ZMPSTE24: variants seen among roughly 807,000 people sequenced by gnomAD.
ZMPSTE24 encodes the protein zinc metallopeptidase STE24.
A neutral mutation model predicts 56.7 loss-of-function variants in ZMPSTE24; 48 were observed. The ratio of observed to expected loss-of-function variants is 0.85; its 90% confidence interval spans 0.67 to 1.08. The LOEUF (loss-of-function observed/expected upper bound fraction) is 1.08. ZMPSTE24 is among the 50% of genes least tolerant of loss of function. The pLI is 0.00. For missense variants in ZMPSTE24, 503 were observed against 548.7 expected (o/e 0.92, Z 0.83); for synonymous variants, 172 against 195.2 (o/e 0.88, Z 0.99).
rs149571720 is a variant in ZMPSTE24, at chr1:40,282,355, A to G, written c.954+828A>G. 2.6e-5 allele frequency among the ~76,000 whole-genome samples: 4 copies of G among 152,334 alleles called. No individual in the cohort carries two copies. In the East Asian group the frequency reaches 7.7e-4, roughly 29 times the overall value. On this transcript the variant is annotated intron_variant, in intron 7 of 9. Coordinates refer to ENST00000372759, the MANE Select transcript of ZMPSTE24 (RefSeq NM_005857.5). The stretch of plus-strand genomic sequence containing the variant: ...ACTAAATGGGGGAGAGGGGACAATG[A>G]TAAGAAACAATACAAACTGTCAGAA...
At chr1:40,258,989 C>G (rs1281580525) in intron 1 of ZMPSTE24, among the ~76,000 whole-genome samples, 1 of 152,072 alleles carries the variant, frequency 6.6e-6, no homozygotes, top group East Asian at 1.9e-4. Context: ...GAAAACCCGT[C>G]TCTACTAAAA....
chr1:40,294,090 T>A lies in ZMPSTE24; in HGVS notation c.*1421T>A, dbSNP rs1643865441. The A allele has an allele frequency of 6.5e-6, 1 of 152,710 alleles. No individual in the cohort carries two copies. Among genetic ancestry groups the A allele is most frequent in the Non-Finnish European group, 1.5e-5 (1 of 68,052 alleles). The allele number at this position is 152,710 out of a possible 1,614,324, so 9.5% of individuals were successfully genotyped here. A position where few individuals can be genotyped will look rare whatever the true frequency, so the allele number is the denominator to read the frequency against. On this transcript the variant is annotated 3_prime_UTR_variant, in exon 10 of 10. Transcript: ENST00000372759. ...GCATCCTTTATCTGTGACTTCATGCTCTGATAACTGCCTTTCCTTCCTTCT... is the reference window on the plus strand; with the variant it reads ...GCATCCTTTATCTGTGACTTCATGCACTGATAACTGCCTTTCCTTCCTTCT...
rs972056923 is a variant in ZMPSTE24 at position 40,292,730 on chromosome 1, A to G, written c.*61A>G. 4.6e-6 allele frequency: 7 copies of G among 1,534,528 alleles called. No homozygotes were observed. Among genetic ancestry groups the G allele is most frequent in the Non-Finnish European group, 6.3e-6 (7 of 1,111,578 alleles). Reference sequence around the variant, plus strand: ...TATTTCTGTCCTGGCAGCATGTTCCAGCTCTTGATGTTTTTAAACTTTTTT... The same window carrying G: ...TATTTCTGTCCTGGCAGCATGTTCCGGCTCTTGATGTTTTTAAACTTTTTT... On this transcript the variant is annotated 3_prime_UTR_variant, in exon 10 of 10. Coordinates refer to ENST00000372759, the MANE Select transcript of ZMPSTE24 (RefSeq NM_005857.5).
At chr1:40,273,516 T>TAAAAAAAAAAAAAAAAAAA (rs1205861105) in intron 6 of ZMPSTE24, among the ~76,000 whole-genome samples, 2 of 10,584 alleles carry the variant, frequency 1.9e-4, no homozygotes, top group African/African-American at 5.7e-4. Context: ...AAATTCTGTC[T>TAAAAAAAAAAAAAAAAAAA]AAAAAAAAAA....
chr1:40,286,432 T>G (rs1643787368), intron 8 of ZMPSTE24, among the ~76,000 whole-genome samples: 1 of 152,118 alleles, frequency 6.6e-6, no homozygotes, highest in Non-Finnish European at 1.5e-5. Context: ...TTAAAAAAAT[T>G]TTTTTTGAGA....
rs765530079 is a variant in ZMPSTE24, at chr1:40,290,845, T to C, written c.1060-9T>C. On this transcript the variant is annotated splice_polypyrimidine_tract_variant and intron_variant, in intron 8 of 9. Transcript: ENST00000372759. ...TAATAACTTAGAAATTTCATGTCCT[T>C]CTTTCTAGATGAATTCTTTCCTGTG... The C allele has an allele frequency of 6.2e-7, 1 of 1,613,712 alleles. No individual in the cohort carries two copies. Among genetic ancestry groups the C allele is most frequent in the Non-Finnish European group, 8.5e-7 (1 of 1,179,758 alleles).
chr1:40,273,175 G>A (rs1304125308), intron 6 of ZMPSTE24, among the ~76,000 whole-genome samples: 2 of 152,052 alleles, frequency 1.3e-5, no homozygotes, highest in Non-Finnish European at 2.9e-5. Context: ...GAACAGAGAT[G>A]GTCACAACTG....
intron 6 of ZMPSTE24, among the ~76,000 whole-genome samples, chr1:40,278,552 C>G (rs1176382385): frequency 1.7e-5 from 1 of 58,886 alleles, no homozygotes; most frequent in Non-Finnish European, 3.1e-5. Flanking sequence ...AGTGAGACTC[C>G]GTCTCAAAAA....
chr1:40,271,885 A>G lies in ZMPSTE24; in HGVS notation c.628-9A>G, dbSNP rs1643617170. On this transcript the variant is annotated splice_polypyrimidine_tract_variant and intron_variant, in intron 5 of 9. Transcript: ENST00000372759. ...ATGTTCATATGTTATTCTGACATTT[A>G]CTTTTCAGGTTCTTGTCACAATCTA... 1 of 1,613,224 alleles carries G rather than the reference A, an allele frequency of 6.2e-7. No individual in the cohort carries two copies. Among genetic ancestry groups the G allele is most frequent in the African/African-American group, 1.3e-5 (1 of 75,034 alleles).
chr1:40,287,195 T>C (rs1295681530), intron 8 of ZMPSTE24, among the ~76,000 whole-genome samples: 1 of 151,876 alleles, frequency 6.6e-6, no homozygotes, highest in Non-Finnish European at 1.5e-5. Context: ...ACCTCCCTAG[T>C]AGCTGAGACC....
At chr1:40,268,329 G>A (rs545939985) in intron 3 of ZMPSTE24, 90 bp from the exon 4 acceptor site, 1 of 854,044 alleles carries the variant, frequency 1.2e-6, no homozygotes, top group South Asian at 1.3e-5. Context: ...ATATTGCTTG[G>A]GATGTAGTAA....
rs374476419 is a variant in ZMPSTE24 at position 40,284,480 on chromosome 1, A to G, written c.955-1445A>G. ...AAGAGAATGGGACTAGGCCCCACAC[A>G]GCGGCTCATGCCTGTAATCCCAGCA... On this transcript the variant is annotated intron_variant, in intron 7 of 9. Transcript: ENST00000372759. Among the ~76,000 whole-genome samples the G allele has an allele frequency of 7.9e-5, 12 of 152,042 alleles. 1 individual carries two copies. The highest frequency in any genetic ancestry group is 3.9e-4 in the East Asian group (2 of 5,160).
intron 6 of ZMPSTE24, among the ~76,000 whole-genome samples, chr1:40,275,667 G>A (rs974665566): frequency 2.7e-5 from 4 of 148,522 alleles, no homozygotes; most frequent in Non-Finnish European, 4.4e-5. Context: ...CAGGAGGATC[G>A]CTTGAATCTA....
intron 9 of ZMPSTE24, among the ~76,000 whole-genome samples, chr1:40,291,952 T>TGCCTCA (rs1643848425): frequency 6.6e-6 from 1 of 151,752 alleles, no homozygotes; most frequent in African/African-American, 2.4e-5. Flanking sequence ...GCAATTCTCC[T>TGCCTCA]GCCTCAGCCT....
At chr1:40,273,243 C>T (rs534666216) in intron 6 of ZMPSTE24, among the ~76,000 whole-genome samples, 3 of 151,730 alleles carry the variant, frequency 2.0e-5, no homozygotes, top group African/African-American at 2.4e-5. Context: ...TCTGGCTGGG[C>T]GCTGTGGCTC....
rs1376413341 is a variant in ZMPSTE24, at chr1:40,267,811, C to T, written c.296C>T (p.Pro99Leu). ...GTLILLFGGIPYLWRLSGRFC... is the reference protein window; with the variant it reads ...GTLILLFGGILYLWRLSGRFC... ...CTTATTCTTCTCTTTGGAGGAATACCTTATCTCTGGAGACTTTCTGGACGG... is the reference window on the plus strand; with the variant it reads ...CTTATTCTTCTCTTTGGAGGAATACTTTATCTCTGGAGACTTTCTGGACGG... The change falls in exon 3 of 10, where the codon CCT becomes CTT. Residue 99 changes from proline to leucine, a missense_variant. Coordinates refer to ENST00000372759, the MANE Select transcript of ZMPSTE24 (RefSeq NM_005857.5). 3.7e-6 allele frequency: 6 copies of T among 1,613,598 alleles called. No individual in the cohort carries two copies. Among genetic ancestry groups the T allele is most frequent in the Non-Finnish European group, 4.2e-6 (5 of 1,179,660 alleles).
intron 2 of ZMPSTE24, among the ~76,000 whole-genome samples, chr1:40,267,331 T>TTTAAAATAAAATAATTACAGGCATGA (rs1410471449): frequency 1.4e-5 from 2 of 143,808 alleles, no homozygotes; most frequent in Non-Finnish European, 1.5e-5. Context: ...TATTTTATTT[T>TTTAAAATAAAATAATTACAGGCATGA]GTTATTTTAT....
intron 2 of ZMPSTE24, among the ~76,000 whole-genome samples, chr1:40,267,327 A>G (rs369841459): frequency 7.1e-6 from 1 of 141,664 alleles, no homozygotes; most frequent in Non-Finnish European, 1.5e-5. Context: ...AAAATATTTT[A>G]TTTTGTTATT....
At chr1:40,283,588 T>C (rs918396671) in intron 7 of ZMPSTE24, among the ~76,000 whole-genome samples, 6 of 152,198 alleles carry the variant, frequency 3.9e-5, no homozygotes, top group Non-Finnish European at 5.9e-5. Context: ...GTTAGATCTT[T>C]CTCTGTTTCA....
Sources: gnomAD v4.1 joint callset for allele counts (sites outside exome capture counted in the v4.1 genomes callset) on GRCh38, gnomAD v4.1.1 for gene constraint, MANE v1.5 for transcripts, NCBI Gene and HGNC (gene_info 2026-07-23, HGNC 2026-07-21) for gene names.